Variants in ESRRB observed in about 807,000 individuals in gnomAD.
ESRRB encodes steroid hormone receptor ERR2.
A neutral mutation model predicts 46.0 loss-of-function variants in ESRRB; 16 were observed. The observed-to-expected ratio is 0.35, with a 90% CI of 0.24 to 0.53. The LOEUF is 0.53. Among genes scored for constraint, ESRRB ranks in the 20% least tolerant of loss-of-function variants. ESRRB has a pLI of 0.93. For synonymous variants in ESRRB, 246 were observed against 259.6 expected, an observed-to-expected ratio of 0.95 and a Z score of 0.50; for missense variants, 488 against 607.4, an observed-to-expected ratio of 0.80 and a Z score of 2.07.
chr14:76,454,757 C>T lies in ESRRB; in HGVS notation c.461-7788C>T, dbSNP rs575622913. ...TTTGCCCTGGAGTTTAGATTTTGTT[C>T]TCTGCTCTGGGTGGCAAGAGTTGGA... On this transcript the variant is annotated intron_variant, in intron 2 of 6. Transcript: ENST00000644823. Among the ~76,000 whole-genome samples, 167 of 152,266 alleles carry T rather than the reference C, an allele frequency of 1.1e-3. 1 individual carries two copies. The highest frequency in any genetic ancestry group is 3.9e-3 in the African/African-American group (162 of 41,550).
At chr14:76,355,671 C>T (rs1884370787) in intron 1 of ESRRB, among the ~76,000 whole-genome samples, 1 of 152,146 alleles carries the variant, frequency 6.6e-6, no homozygotes, top group Non-Finnish European at 1.5e-5. Context: ...GGCCAAGCTG[C>T]CTAACTTCTC....
At chr14:76,384,157 T>TTTTAGGA (rs1885126447) in intron 1 of ESRRB, among the ~76,000 whole-genome samples, 1 of 152,160 alleles carries the variant, frequency 6.6e-6, no homozygotes, top group East Asian at 1.9e-4. Flanking sequence ...GTATTTATCC[T>TTTTAGGA]CTTACTTTTA....
chr14:76,442,015 T>C (rs1482107221), intron 2 of ESRRB, among the ~76,000 whole-genome samples: 1 of 152,238 alleles, frequency 6.6e-6, no homozygotes, highest in African/African-American at 2.4e-5. Context: ...TGAAACCAAT[T>C]GAAGACATTA....
At chr14:76,426,691 A>G (rs1428812686) in intron 1 of ESRRB, among the ~76,000 whole-genome samples, 1 of 152,112 alleles carries the variant, frequency 6.6e-6, no homozygotes, top group East Asian at 1.9e-4. Flanking sequence ...TCACCAACAT[A>G]TTCCCAGAGC....
At position 76,501,284 on chromosome 14, in the gene ESRRB, T is replaced by A. The variant is rs1890648773; in HGVS notation, c.*2826T>A. 1.3e-5 allele frequency: 2 copies of A among 154,670 alleles called. No homozygotes were observed. The highest frequency in any genetic ancestry group is 6.3e-5 in the Admixed American group (1 of 15,842). 9.6% of individuals were successfully genotyped at this position (154,670 alleles called of 1,614,324 possible). On this transcript the variant is annotated 3_prime_UTR_variant, in exon 7 of 7. Transcript: ENST00000644823. ...GTTTTGTTTGGTCCCCTTGTCCTTA[T>A]ACGTTCTAAAGTTTCCAGACTGGCT...
At chr14:76,452,220 G>A (rs1287010126) in intron 2 of ESRRB, among the ~76,000 whole-genome samples, 1 of 152,134 alleles carries the variant, frequency 6.6e-6, no homozygotes, top group African/African-American at 2.4e-5. Context: ...GATTACAGGT[G>A]TGAGCCATTA....
chr14:76,499,535 G>C lies in ESRRB; in HGVS notation c.*1077G>C. The C allele has an allele frequency of 2.3e-6, 1 of 429,690 alleles. No individual in the cohort carries two copies. Among genetic ancestry groups the C allele is most frequent in the Non-Finnish European group, 4.4e-6 (1 of 229,686 alleles). 26.6% of individuals were successfully genotyped at this position (429,690 alleles called of 1,614,324 possible). The stretch of plus-strand genomic sequence containing the variant: ...GGGGTGGCCTGCCTCATCCTTCCTG[G>C]CTTCCCTTCCCTGCACTCAGCATCA... On this transcript the variant is annotated 3_prime_UTR_variant, in exon 7 of 7. Coordinates refer to ENST00000644823, the MANE Select transcript of ESRRB (RefSeq NM_001379180.1).
At chr14:76,411,399 G>T (rs1595090757) in intron 1 of ESRRB, among the ~76,000 whole-genome samples, 2 of 152,034 alleles carry the variant, frequency 1.3e-5, no homozygotes, top group East Asian at 3.9e-4. Context: ...AGTGAGCTGA[G>T]ATTGCGCCAC....
rs1043508704 is a variant in ESRRB, at chr14:76,486,367, C to T, written c.850+3608C>T. On this transcript the variant is annotated intron_variant, in intron 5 of 6. Coordinates refer to ENST00000644823, the MANE Select transcript of ESRRB (RefSeq NM_001379180.1). Reference sequence around the variant, plus strand: ...AGGCCTCCTCACAAAAGTCCCTCAGCGGCACTGCTCCCAGGTAGCCCCCAT... The same window carrying T: ...AGGCCTCCTCACAAAAGTCCCTCAGTGGCACTGCTCCCAGGTAGCCCCCAT... 7.2e-5 allele frequency among the ~76,000 whole-genome samples: 11 copies of T among 152,256 alleles called. No homozygotes were observed. In the East Asian group the frequency reaches 1.4e-3, roughly 19 times the overall value.
chr14:76,451,525 C>T (rs559302751), intron 2 of ESRRB, among the ~76,000 whole-genome samples: 1 of 152,208 alleles, frequency 6.6e-6, no homozygotes, highest in Non-Finnish European at 1.5e-5. Flanking sequence ...ATCAGATCTC[C>T]TTTCAGCAAG....
chr14:76,489,260 C>A (rs1402312363), intron 5 of ESRRB, among the ~76,000 whole-genome samples: 2 of 152,086 alleles, frequency 1.3e-5, no homozygotes, highest in Non-Finnish European at 2.9e-5. Flanking sequence ...AACACTCCCC[C>A]CAACACACTC....
At chr14:76,457,107 T>C (rs1888647374) in intron 2 of ESRRB, among the ~76,000 whole-genome samples, 1 of 152,118 alleles carries the variant, frequency 6.6e-6, no homozygotes, top group Non-Finnish European at 1.5e-5. Flanking sequence ...GGGATGACCC[T>C]GGGATTTCCT....
intron 1 of ESRRB, among the ~76,000 whole-genome samples, chr14:76,378,633 C>A (rs938809674): frequency 6.6e-6 from 1 of 152,132 alleles, no homozygotes; most frequent in Admixed American, 6.5e-5. Context: ...GGGCAGCAGC[C>A]CAGGCATTGA....
chr14:76,389,364 G>C (rs1885375020), intron 1 of ESRRB, among the ~76,000 whole-genome samples: 1 of 152,150 alleles, frequency 6.6e-6, no homozygotes, highest in Non-Finnish European at 1.5e-5. Flanking sequence ...CCTAGATCAT[G>C]AGGTCCTAGA....
chr14:76,393,813 T>C (rs1459744745), intron 1 of ESRRB, among the ~76,000 whole-genome samples: 1 of 152,148 alleles, frequency 6.6e-6, no homozygotes, highest in East Asian at 1.9e-4. Flanking sequence ...TTGGATTCTT[T>C]TTTTTGAGAC....
At chr14:76,458,995 C>A (rs1271992414) in intron 2 of ESRRB, among the ~76,000 whole-genome samples, 1 of 152,044 alleles carries the variant, frequency 6.6e-6, no homozygotes, top group Non-Finnish European at 1.5e-5. Flanking sequence ...CAGGTGTGCA[C>A]CACCACACCT....
intron 1 of ESRRB, among the ~76,000 whole-genome samples, chr14:76,424,407 T>C (rs905080680): frequency 3.3e-5 from 5 of 152,156 alleles, no homozygotes; most frequent in Non-Finnish European, 5.9e-5. Context: ...CTGATCCCCT[T>C]TCTTGGACCC....
intron 2 of ESRRB, among the ~76,000 whole-genome samples, chr14:76,456,181 A>G (rs1367229183): frequency 6.6e-6 from 1 of 152,090 alleles, no homozygotes; most frequent in Non-Finnish European, 1.5e-5. Flanking sequence ...AATGCCTGAC[A>G]CTTTCTGAGG....
intron 1 of ESRRB, among the ~76,000 whole-genome samples, chr14:76,428,969 C>A (rs901051422): frequency 3.9e-5 from 6 of 152,162 alleles, no homozygotes; most frequent in Admixed American, 6.5e-5. Flanking sequence ...CTCGCTGAAG[C>A]CACCATGCTC....
Sources: gnomAD v4.1 joint callset for allele counts (sites outside exome capture counted in the v4.1 genomes callset) on GRCh38, gnomAD v4.1.1 for gene constraint, MANE v1.5 for transcripts, NCBI Gene and HGNC (gene_info 2026-07-23, HGNC 2026-07-21) for gene names.